Variants in CACNA2D4 observed in about 807,000 individuals in gnomAD.
CACNA2D4 encodes the protein voltage-dependent calcium channel subunit alpha-2/delta-4.
Under a neutral mutation model 163.8 loss-of-function variants are expected in CACNA2D4, and 157 were observed. That is an observed-to-expected ratio of 0.96 (90% CI 0.84 to 1.09). CACNA2D4 has a LOEUF of 1.09. Ranked by LOEUF, CACNA2D4 falls within the 50% of genes least tolerant of loss-of-function variation. CACNA2D4 has a pLI of 0.00. For synonymous variants in CACNA2D4, 598 were observed against 586.9 expected (o/e 1.02, Z -0.27); for missense variants, 1,410 against 1,479.9 (o/e 0.95, Z 0.78).
intron 22 of CACNA2D4, among the ~76,000 whole-genome samples, chr12:1,855,052 C>A (rs1333526466): frequency 6.6e-6 from 1 of 152,130 alleles, no homozygotes; most frequent in African/African-American, 2.4e-5. Context: ...TTAACAGGAT[C>A]TCCTTTAAAG....
In CACNA2D4 at chr12:1,914,836, T is replaced by C. The variant is rs1440773192; in HGVS notation, c.309+18A>G. ...GCCCTCTGCCACCCGGTGGGCTCTCTGGAAGGGGGTGACTGACCTTCTGCA... is the reference window on the plus strand; with the variant it reads ...GCCCTCTGCCACCCGGTGGGCTCTCCGGAAGGGGGTGACTGACCTTCTGCA... On this transcript the variant is annotated intron_variant, in intron 2 of 37. Transcript: ENST00000382722. The C allele has an allele frequency of 1.9e-6, 3 of 1,599,470 alleles. No individual in the cohort carries two copies. In the African/African-American group the frequency reaches 4.0e-5, roughly 21 times the overall value.
In CACNA2D4 at chr12:1,883,437, C is replaced by T. The variant is rs74557694; in HGVS notation, c.1352-437G>A. Among the ~76,000 whole-genome samples the T allele has an allele frequency of 2.7e-3, 406 of 152,360 alleles. 4 individuals are homozygous for T. Among genetic ancestry groups the T allele is most frequent in the African/African-American group, 9.2e-3 (382 of 41,580 alleles). Reference sequence around the variant, plus strand: ...TTCTGCCTCTCCGCTCCTCCTTCCTCTGGTCCTTGTTCTTGCTCAGGTTGT... The same window carrying T: ...TTCTGCCTCTCCGCTCCTCCTTCCTTTGGTCCTTGTTCTTGCTCAGGTTGT... On this transcript the variant is annotated intron_variant, in intron 12 of 37. Coordinates refer to ENST00000382722, the MANE Select transcript of CACNA2D4 (RefSeq NM_172364.5). This position sits in a 1 kb window ranked among gnomAD's most constrained non-coding sequence, Gnocchi z 4.5.
At chr12:1,830,488 G>A (rs892139176) in intron 26 of CACNA2D4, among the ~76,000 whole-genome samples, 2 of 152,244 alleles carry the variant, frequency 1.3e-5, no homozygotes, top group Non-Finnish European at 2.9e-5. Flanking sequence ...TGTCCCAGCA[G>A]TGACACTGGG....
At chr12:1,856,271 C>T (rs969818876) in intron 20 of CACNA2D4, 42 bp from the exon 21 acceptor site, 9 of 1,607,182 alleles carry the variant, frequency 5.6e-6, no homozygotes, top group East Asian at 2.2e-5. Context: ...TCCCTCACTG[C>T]CATGAGGGTG....
chr12:1,904,967 A>C (rs1866621406), intron 6 of CACNA2D4, among the ~76,000 whole-genome samples: 1 of 152,090 alleles, frequency 6.6e-6, no homozygotes, highest in Non-Finnish European at 1.5e-5. Context: ...GCATGGATAA[A>C]ACATAAAACT....
intron 26 of CACNA2D4, among the ~76,000 whole-genome samples, chr12:1,822,913 C>T (rs1446465676): frequency 1.3e-5 from 2 of 152,206 alleles, no homozygotes; most frequent in Non-Finnish European, 2.9e-5. Flanking sequence ...ACTCTCCGGG[C>T]TCCCTCTCAG....
chr12:1,854,127 A>C, intron 22 of CACNA2D4, 83 bp from the exon 23 acceptor site: 5 of 1,012,428 alleles, frequency 4.9e-6, no homozygotes, highest in Non-Finnish European at 7.2e-6. Flanking sequence ...GTTCAGGGAG[A>C]AGATGTGCTT....
At chr12:1,804,442 C>G (rs984667049) in intron 29 of CACNA2D4, among the ~76,000 whole-genome samples, 5 of 152,080 alleles carry the variant, frequency 3.3e-5, no homozygotes, top group Non-Finnish European at 5.9e-5. Context: ...TGGTTTAGAC[C>G]CTGGATTCTG....
At chr12:1,870,792 AAGAG>A (rs1336628786) in intron 18 of CACNA2D4, among the ~76,000 whole-genome samples, 3 of 152,060 alleles carry the variant, frequency 2.0e-5, no homozygotes, top group Non-Finnish European at 2.9e-5. Flanking sequence ...TGTTAACAGA[AAGAG>A]AGAGCGCGAG....
chr12:1,810,291 T>C lies in CACNA2D4; in HGVS notation c.2708A>G (p.Lys903Arg), dbSNP rs1222385987. 2 of 1,613,652 alleles carry C rather than the reference T, an allele frequency of 1.2e-6. No homozygotes were observed. Among genetic ancestry groups the C allele is most frequent in the Non-Finnish European group, 1.7e-6 (2 of 1,179,668 alleles). ...CCAGTGACTCACCTCTCGGGACCTC[T>C]TGGAGATCAGAATGAACCCGTTGTT... ...IDNNGFILIS[K>R]RSRETGRFLG... is the part of the protein sequence containing the mutation. Residue 903 changes from lysine (K) to arginine (R), a missense_variant, in exon 29 of 38, where the codon AAG becomes AGG. By Grantham distance (26) the Lys-to-Arg change is conservative. Transcript: ENST00000382722.
chr12:1,911,915 T>C (rs1386773025), intron 3 of CACNA2D4, among the ~76,000 whole-genome samples: 2 of 152,208 alleles, frequency 1.3e-5, no homozygotes, highest in Non-Finnish European at 1.5e-5. Context: ...GCTTTCCTGC[T>C]GTGGTGTGTG....
At chr12:1,896,637 AC>A (rs1555186429) in intron 6 of CACNA2D4, among the ~76,000 whole-genome samples, 8,990 of 143,748 alleles carry the variant, frequency 0.063, 424 homozygotes, top group Middle Eastern at 0.092. Context: ...ACACACACAC[AC>A]ACACACACAC....
chr12:1,821,637 G>A (rs895368839), intron 26 of CACNA2D4, among the ~76,000 whole-genome samples: 3 of 152,124 alleles, frequency 2.0e-5, no homozygotes, highest in African/African-American at 4.8e-5. Flanking sequence ...TACACAGCGG[G>A]GCCAGGCCTG....
chr12:1,799,557 A>G lies in CACNA2D4; in HGVS notation c.2995+118T>C. ...CCCAGGAATGGTACTTTAAACCAGG[A>G]GAGCTCAGCCCTGCTTGGGGTCATT... On this transcript the variant is annotated intron_variant, in intron 34 of 37. Transcript: ENST00000382722. This position sits in a 1 kb window ranked among gnomAD's most constrained non-coding sequence, Gnocchi z 4.7. 9.3e-7 allele frequency: 1 copy of G among 1,071,400 alleles called. No homozygotes were observed. The allele number at this position is 1,071,400 out of a possible 1,614,324, so 66.4% of individuals were successfully genotyped here. A position where few individuals can be genotyped will look rare whatever the true frequency, so the allele number is the denominator to read the frequency against.
chr12:1,915,303 T>A, intron 1 of CACNA2D4: 1 of 701,638 alleles, frequency 1.4e-6, no homozygotes, highest in Non-Finnish European at 2.6e-6. Context: ...CTCGGCAGGT[T>A]CTCCTGCTGA....
chr12:1,902,770 G>C (rs1351017258), intron 6 of CACNA2D4, among the ~76,000 whole-genome samples: 1 of 151,526 alleles, frequency 6.6e-6, no homozygotes. Context: ...AATTAATATA[G>C]TTAAAATGTC....
chr12:1,871,634 C>T (rs1189183227), intron 18 of CACNA2D4, among the ~76,000 whole-genome samples: 7 of 132,448 alleles, frequency 5.3e-5, no homozygotes, highest in Non-Finnish European at 9.6e-5. Flanking sequence ...TGTGTACACG[C>T]GTGTTACTGG....
chr12:1,912,619 G>T (rs1165978843), intron 3 of CACNA2D4, among the ~76,000 whole-genome samples: 1 of 152,200 alleles, frequency 6.6e-6, no homozygotes, highest in South Asian at 2.1e-4. Flanking sequence ...GCTCCAGCTA[G>T]CTCGACTCCC....
intron 18 of CACNA2D4, among the ~76,000 whole-genome samples, chr12:1,865,255 T>C (rs1474845533): frequency 6.6e-6 from 1 of 152,212 alleles, no homozygotes; most frequent in African/African-American, 2.4e-5. Context: ...CGGAGCCTGA[T>C]GGTCTCGCTG....
Sources: allele counts gnomAD v4.1 joint callset (sites outside exome capture counted in the v4.1 genomes callset), GRCh38; gene constraint gnomAD v4.1.1; non-coding constraint Gnocchi (gnomAD v3.1); transcripts MANE v1.5; gene names NCBI Gene and HGNC (gene_info 2026-07-23, HGNC 2026-07-21).